The following LOC128462377 variants were observed in gnomAD, a reference collection of about 807,000 sequenced individuals.
At chr16:89,356,922 G>T in the LOC128462377 span, among the ~76,000 whole-genome samples, 1 of 152,242 alleles carries the variant, frequency 6.6e-6, no homozygotes, top group African/African-American at 2.4e-5. Flanking sequence ...GGAGTCCCAG[G>T]CATCCTGCTG....
the LOC128462377 span, among the ~76,000 whole-genome samples, chr16:89,391,684 A>C: frequency 6.6e-6 from 1 of 152,334 alleles, no homozygotes; most frequent in South Asian, 2.1e-4. Context: ...CCTGTTCTCA[A>C]TCACTGAGAG....
At chr16:89,347,186 T>G in the LOC128462377 span, among the ~76,000 whole-genome samples, 1 of 152,114 alleles carries the variant, frequency 6.6e-6, no homozygotes, top group East Asian at 1.9e-4. Flanking sequence ...ATGAAAACAC[T>G]GCCACAGCAG....
the LOC128462377 span, among the ~76,000 whole-genome samples, chr16:89,342,279 A>ATC: frequency 6.6e-6 from 1 of 152,278 alleles, no homozygotes; most frequent in Admixed American, 6.5e-5. Context: ...CTGCTGGTGA[A>ATC]TGAGAGCGGC....
At chr16:89,416,338 C>T in the LOC128462377 span, among the ~76,000 whole-genome samples, 45 of 152,098 alleles carry the variant, frequency 3.0e-4, no homozygotes, top group Admixed American at 5.2e-4. Context: ...CTTGCTCTGT[C>T]GCCCAGGCTC....
chr16:89,331,536 A>C, the LOC128462377 span, among the ~76,000 whole-genome samples: 3 of 152,334 alleles, frequency 2.0e-5, no homozygotes, highest in South Asian at 2.1e-4. Context: ...AGAAAATGGC[A>C]CATTTAGGAA....
the LOC128462377 span, among the ~76,000 whole-genome samples, chr16:89,346,885 A>G: frequency 1.3e-5 from 2 of 152,268 alleles, no homozygotes; most frequent in South Asian, 4.1e-4. Flanking sequence ...AACAGAGACT[A>G]AACAAAGTCA....
the LOC128462377 span, chr16:89,324,278 G>A: frequency 5.6e-6 from 7 of 1,248,058 alleles, no homozygotes; most frequent in Admixed American, 2.5e-5. Flanking sequence ...CAGGAGCCCC[G>A]TGCTCCGGAA....
At chr16:89,396,363 C>G in the LOC128462377 span, among the ~76,000 whole-genome samples, 81,229 of 151,958 alleles carry the variant, frequency 0.53, 22,076 homozygotes, top group Middle Eastern at 0.72. Flanking sequence ...CCCACACACA[C>G]GCGACGGAGC....
At chr16:89,383,543 G>A in the LOC128462377 span, among the ~76,000 whole-genome samples, 1 of 152,232 alleles carries the variant, frequency 6.6e-6, no homozygotes, top group Non-Finnish European at 1.5e-5. Flanking sequence ...AGAAGGAAGA[G>A]CCATGAAGTT....
chr16:89,321,513 CCCA>C, the LOC128462377 span, among the ~76,000 whole-genome samples: 3 of 152,122 alleles, frequency 2.0e-5, no homozygotes, highest in East Asian at 5.8e-4. Flanking sequence ...GCAGGGGCTG[CCCA>C]GGAGCACTCC....
chr16:89,390,687 A>T, the LOC128462377 span, among the ~76,000 whole-genome samples: 182 of 152,266 alleles, frequency 1.2e-3, 2 homozygotes, highest in African/African-American at 4.1e-3. Flanking sequence ...GTTCTCGGGG[A>T]AACAGTGAGC....
the LOC128462377 span, among the ~76,000 whole-genome samples, chr16:89,377,081 C>T: frequency 6.6e-6 from 1 of 152,198 alleles, no homozygotes; most frequent in Non-Finnish European, 1.5e-5. Context: ...AAGGAACTGC[C>T]TTAAATGTTC....
the LOC128462377 span, among the ~76,000 whole-genome samples, chr16:89,401,086 TC>T: frequency 7.1e-6 from 1 of 140,420 alleles, no homozygotes; most frequent in Non-Finnish European, 1.5e-5. Flanking sequence ...TATTTCTCTC[TC>T]CCCCCCACCC....
chr16:89,334,835 G>C, the LOC128462377 span, among the ~76,000 whole-genome samples: 3 of 152,116 alleles, frequency 2.0e-5, no homozygotes, highest in Non-Finnish European at 4.4e-5. Context: ...CAACACACGG[G>C]GCGCACGTGT....
chr16:89,381,309 G>A, the LOC128462377 span, among the ~76,000 whole-genome samples: 1 of 137,916 alleles, frequency 7.3e-6, no homozygotes, highest in Non-Finnish European at 1.5e-5. Flanking sequence ...TCCAGCCTGG[G>A]CTACAGAGCG....
At chr16:89,363,179 T>A in the LOC128462377 span, among the ~76,000 whole-genome samples, 2 of 152,164 alleles carry the variant, frequency 1.3e-5, no homozygotes, top group African/African-American at 2.4e-5. Context: ...TTAAAAAAAA[T>A]ATACGATGTT....
the LOC128462377 span, among the ~76,000 whole-genome samples, chr16:89,413,701 C>T: frequency 6.6e-6 from 1 of 152,194 alleles, no homozygotes; most frequent in East Asian, 1.9e-4. Flanking sequence ...AAACCTAGTC[C>T]TGTGGCTGTC....
chr16:89,364,734 C>A, the LOC128462377 span, among the ~76,000 whole-genome samples: 1 of 152,254 alleles, frequency 6.6e-6, no homozygotes, highest in Non-Finnish European at 1.5e-5. Flanking sequence ...GCGGGCTGGA[C>A]AAGCTTGCCC....
chr16:89,371,002 T>C, the LOC128462377 span, among the ~76,000 whole-genome samples: 23 of 152,210 alleles, frequency 1.5e-4, no homozygotes, highest in African/African-American at 4.6e-4. Flanking sequence ...TGAGCTCTCC[T>C]AGTTGAGAAA....
Sources: gnomAD v4.1 joint callset for allele counts (sites outside exome capture counted in the v4.1 genomes callset) on GRCh38, gnomAD v4.1.1 for gene constraint, MANE v1.5 for transcripts.